SCAMP1: variants seen among roughly 807,000 people sequenced by gnomAD.
SCAMP1 encodes secretory carrier membrane protein 1.
Under a neutral mutation model 41.8 loss-of-function variants are expected in SCAMP1, and 15 were observed. The ratio of observed to expected loss-of-function variants is 0.36; its 90% CI spans 0.24 to 0.55. SCAMP1 has a LOEUF of 0.55. SCAMP1 is among the 20% of genes least tolerant of loss of function. The probability of loss-of-function intolerance (pLI) is 0.86; values close to 1 mark genes in which losing one functional copy is unlikely to be tolerated. For missense variants in SCAMP1, 341 were observed against 412.6 expected (o/e 0.83, Z 1.50); for synonymous variants, 135 against 136.8 (o/e 0.99, Z 0.09).
chr5:78,447,918 CCTCCTT>C (rs1753097499), intron 6 of SCAMP1, among the ~76,000 whole-genome samples: 1 of 81,210 alleles, frequency 1.2e-5, no homozygotes, highest in African/African-American at 5.0e-5. Flanking sequence ...CTCCCTCCTG[CCTCCTT>C]CCCCCTTCCT....
chr5:78,381,536 C>T (rs1449014434), intron 1 of SCAMP1, among the ~76,000 whole-genome samples: 2 of 152,170 alleles, frequency 1.3e-5, no homozygotes, highest in Non-Finnish European at 2.9e-5. Context: ...ATTAAAATGA[C>T]ATCTTTCTAT....
chr5:78,417,351 A>G (rs944583410), intron 4 of SCAMP1, among the ~76,000 whole-genome samples: 53 of 152,338 alleles, frequency 3.5e-4, no homozygotes, highest in African/African-American at 1.2e-3. Flanking sequence ...TCATGAGAAC[A>G]CATTTATCCT....
chr5:78,375,034 A>C (rs1429959998), intron 1 of SCAMP1, among the ~76,000 whole-genome samples: 1 of 152,018 alleles, frequency 6.6e-6, no homozygotes, highest in East Asian at 1.9e-4. Flanking sequence ...CAGGTGAGTG[A>C]ATTTGTTAGT....
intron 2 of SCAMP1, among the ~76,000 whole-genome samples, chr5:78,414,956 CTT>C (rs11318423): frequency 0.021 from 2,915 of 139,108 alleles, 104 homozygotes; most frequent in African/African-American, 0.071. Context: ...CTCAAAAGTT[CTT>C]TTTTTTTTTT....
intron 8 of SCAMP1, among the ~76,000 whole-genome samples, chr5:78,462,938 G>A (rs1265184417): frequency 1.3e-5 from 2 of 152,130 alleles, no homozygotes; most frequent in African/African-American, 4.8e-5. Flanking sequence ...AAGAAAATAA[G>A]TCCTTATAAT....
At chr5:78,473,062 A>G (rs914087885) in intron 8 of SCAMP1, among the ~76,000 whole-genome samples, 3 of 152,132 alleles carry the variant, frequency 2.0e-5, no homozygotes, top group African/African-American at 7.2e-5. Context: ...TATATCTTTA[A>G]TTTTCCATAG....
chr5:78,422,683 C>T (rs1474132986), intron 6 of SCAMP1, among the ~76,000 whole-genome samples: 1 of 152,082 alleles, frequency 6.6e-6, no homozygotes, highest in Non-Finnish European at 1.5e-5. Flanking sequence ...ATGATTTGTG[C>T]CTTATGACTT....
At chr5:78,441,699 G>A (rs1275757907) in intron 6 of SCAMP1, among the ~76,000 whole-genome samples, 1 of 152,134 alleles carries the variant, frequency 6.6e-6, no homozygotes, top group Non-Finnish European at 1.5e-5. Flanking sequence ...ATGGTGGCAC[G>A]TGCCTGTAAT....
At chr5:78,405,429 C>T (rs929139870) in intron 2 of SCAMP1, among the ~76,000 whole-genome samples, 1 of 152,132 alleles carries the variant, frequency 6.6e-6, no homozygotes, top group African/African-American at 2.4e-5. Context: ...TGGTCTTCCC[C>T]CCAGGTAGAT....
chr5:78,385,782 AATTT>A (rs1751326372), intron 1 of SCAMP1, among the ~76,000 whole-genome samples: 5 of 152,084 alleles, frequency 3.3e-5, no homozygotes, highest in Admixed American at 1.3e-4. Context: ...GTTGATTTCC[AATTT>A]TATTCCACTG....
chr5:78,425,814 A>G (rs1268545085), intron 6 of SCAMP1, among the ~76,000 whole-genome samples: 2 of 152,182 alleles, frequency 1.3e-5, no homozygotes, highest in Non-Finnish European at 2.9e-5. Context: ...GTTTTGGGAT[A>G]CATGCGCAGA....
chr5:78,382,686 T>C (rs1268221726), intron 1 of SCAMP1, among the ~76,000 whole-genome samples: 1 of 152,142 alleles, frequency 6.6e-6, no homozygotes, highest in Non-Finnish European at 1.5e-5. Context: ...CAGTCCTCAG[T>C]TACTTCACTT....
chr5:78,365,044 G>A (rs1363050903), intron 1 of SCAMP1, among the ~76,000 whole-genome samples: 1 of 152,168 alleles, frequency 6.6e-6, no homozygotes, highest in African/African-American at 2.4e-5. Context: ...TTACTATTTT[G>A]TAAAATAGGG....
chr5:78,363,258 G>A (rs1312782986), intron 1 of SCAMP1, among the ~76,000 whole-genome samples: 4 of 150,914 alleles, frequency 2.7e-5, no homozygotes, highest in Non-Finnish European at 1.5e-5. Flanking sequence ...TGTCGCCCAG[G>A]TTGGAGTGCA....
chr5:78,379,660 T>C (rs1751148905), intron 1 of SCAMP1, among the ~76,000 whole-genome samples: 1 of 152,248 alleles, frequency 6.6e-6, no homozygotes, highest in African/African-American at 2.4e-5. Context: ...AGAATGATTT[T>C]AGTCTCTTTG....
chr5:78,412,092 T>A (rs1253215223), intron 2 of SCAMP1, among the ~76,000 whole-genome samples: 1 of 152,086 alleles, frequency 6.6e-6, no homozygotes, highest in African/African-American at 2.4e-5. Context: ...TTCAGTAACA[T>A]GTTTATCTGA....
In SCAMP1 at chr5:78,476,141, C is replaced by G. The variant is rs569543430; in HGVS notation, c.*473C>G. 2 of 152,512 alleles carry G rather than the reference C, an allele frequency of 1.3e-5. No homozygotes were observed. The highest frequency in any genetic ancestry group is 4.8e-5 in the African/African-American group (2 of 41,428). 9.4% of individuals were successfully genotyped at this position (152,512 alleles called of 1,614,324 possible). ...GATTTTAAATTGGCTTGCTTTTTAG[C>G]TGTTTCAGTCACCAGTGAAGAGCCT... On this transcript the variant is annotated 3_prime_UTR_variant, in exon 9 of 9. Transcript: ENST00000621999.
chr5:78,388,166 C>T (rs190836113), intron 1 of SCAMP1, among the ~76,000 whole-genome samples: 15 of 152,300 alleles, frequency 9.8e-5, no homozygotes, highest in Admixed American at 3.3e-4. Flanking sequence ...GCTGCTCTGT[C>T]CATTAAGTGG....
intron 1 of SCAMP1, among the ~76,000 whole-genome samples, chr5:78,361,748 G>C (rs1750659466): frequency 6.6e-6 from 1 of 152,234 alleles, no homozygotes; most frequent in South Asian, 2.1e-4. Context: ...ATGTGCAGTA[G>C]TAACTTTAAT....
Sources: allele counts gnomAD v4.1 joint callset (sites outside exome capture counted in the v4.1 genomes callset), GRCh38; gene constraint gnomAD v4.1.1; transcripts MANE v1.5; gene names NCBI Gene and HGNC (gene_info 2026-07-23, HGNC 2026-07-21).